The following HS3ST4 variants were observed in gnomAD, a reference collection of about 807,000 sequenced individuals.
HS3ST4 encodes the protein heparan sulfate-glucosamine 3-sulfotransferase 4.
Under a neutral mutation model 29.2 loss-of-function variants are expected in HS3ST4, and 17 were observed. That is an observed-to-expected ratio of 0.58 (90% CI 0.40 to 0.87). HS3ST4 has a LOEUF of 0.87. Among genes scored for constraint, HS3ST4 ranks in the 40% least tolerant of loss-of-function variants. The pLI is 0.00. For missense variants in HS3ST4, 627 were observed against 634.5 expected (o/e 0.99, Z 0.13); for synonymous variants, 314 against 285.7 (o/e 1.10, Z -1.00).
chr16:25,701,783 T>G (rs1455371917), intron 1 of HS3ST4, among the ~76,000 whole-genome samples: 1 of 152,138 alleles, frequency 6.6e-6, no homozygotes, highest in Non-Finnish European at 1.5e-5. Flanking sequence ...AGTGGAGAAA[T>G]GGACATGTAA....
chr16:26,091,960 T>C (rs572284019), intron 1 of HS3ST4, among the ~76,000 whole-genome samples: 1 of 152,312 alleles, frequency 6.6e-6, no homozygotes, highest in East Asian at 1.9e-4. Context: ...GGGGCTTGAC[T>C]TCTGCAGGAG....
At chr16:26,000,883 G>A (rs1181339560) in intron 1 of HS3ST4, among the ~76,000 whole-genome samples, 1 of 152,070 alleles carries the variant, frequency 6.6e-6, no homozygotes, top group Non-Finnish European at 1.5e-5. Context: ...GAAAACATCA[G>A]ATGAACCCCA....
chr16:25,920,216 A>T (rs933712456), intron 1 of HS3ST4, among the ~76,000 whole-genome samples: 1 of 152,008 alleles, frequency 6.6e-6, no homozygotes. Flanking sequence ...CTCTCTTTCA[A>T]CCCTTGCCTA....
At chr16:25,998,237 C>T (rs1053626624) in intron 1 of HS3ST4, among the ~76,000 whole-genome samples, 1 of 152,076 alleles carries the variant, frequency 6.6e-6, no homozygotes, top group African/African-American at 2.4e-5. Context: ...GCTGAGGTTG[C>T]ACCACTGCAC....
chr16:26,098,301 AC>A (rs1449474237), intron 1 of HS3ST4, among the ~76,000 whole-genome samples: 1 of 152,222 alleles, frequency 6.6e-6, no homozygotes, highest in African/African-American at 2.4e-5. Flanking sequence ...TTATTTTGCC[AC>A]TATTCACAAT....
intron 1 of HS3ST4, among the ~76,000 whole-genome samples, chr16:25,857,410 G>A (rs1462973780): frequency 6.6e-6 from 1 of 152,116 alleles, no homozygotes; most frequent in African/African-American, 2.4e-5. Context: ...GTTGTCTAAG[G>A]TCTTTACATG....
chr16:25,816,707 C>T (rs923456921), intron 1 of HS3ST4, among the ~76,000 whole-genome samples: 1 of 152,090 alleles, frequency 6.6e-6, no homozygotes, highest in Admixed American at 6.6e-5. Flanking sequence ...TTATCTCTTA[C>T]AGTTACAGGC....
At chr16:25,844,345 A>T (rs1967443924) in intron 1 of HS3ST4, among the ~76,000 whole-genome samples, 1 of 152,178 alleles carries the variant, frequency 6.6e-6, no homozygotes, top group African/African-American at 2.4e-5. Context: ...TCATCCAGGG[A>T]TTCTTTACTG....
At chr16:26,051,478 A>G (rs1476704940) in intron 1 of HS3ST4, among the ~76,000 whole-genome samples, 1 of 151,982 alleles carries the variant, frequency 6.6e-6, no homozygotes, top group Admixed American at 6.6e-5. Context: ...TTCAGAACAG[A>G]CCCTGAGTGG....
At chr16:26,002,938 T>G (rs1311935791) in intron 1 of HS3ST4, among the ~76,000 whole-genome samples, 1 of 143,586 alleles carries the variant, frequency 7.0e-6, no homozygotes, top group African/African-American at 2.7e-5. Flanking sequence ...GATGCATTCT[T>G]ACATTTTTTT....
intron 1 of HS3ST4, among the ~76,000 whole-genome samples, chr16:25,883,817 A>G (rs977198495): frequency 1.1e-4 from 17 of 152,322 alleles, no homozygotes; most frequent in African/African-American, 2.6e-4. Flanking sequence ...TAGTGATGCT[A>G]TTAAGAATCC....
chr16:25,922,113 T>C (rs1968360322), intron 1 of HS3ST4, among the ~76,000 whole-genome samples: 1 of 152,208 alleles, frequency 6.6e-6, no homozygotes. Context: ...GGCTGACTTA[T>C]GGCTTCTTCC....
At chr16:26,031,663 C>T (rs189888987) in intron 1 of HS3ST4, among the ~76,000 whole-genome samples, 145 of 151,068 alleles carry the variant, frequency 9.6e-4, no homozygotes, top group African/African-American at 3.2e-3. Flanking sequence ...GCCTCTGGCC[C>T]GACGCACCGG....
At chr16:26,068,180 C>T (rs1898562553) in intron 1 of HS3ST4, among the ~76,000 whole-genome samples, 1 of 152,152 alleles carries the variant, frequency 6.6e-6, no homozygotes, top group Non-Finnish European at 1.5e-5. Flanking sequence ...TTTCCTCCTC[C>T]TCTTAATTCA....
At chr16:26,018,685 C>T (rs1488251386) in intron 1 of HS3ST4, among the ~76,000 whole-genome samples, 4 of 152,116 alleles carry the variant, frequency 2.6e-5, no homozygotes, top group Admixed American at 2.0e-4. Context: ...AACATTACAC[C>T]AAGGATCACA....
At position 25,806,855 on chromosome 16, in the gene HS3ST4, G is replaced by A. The variant is rs11639572; in HGVS notation, c.734+113704G>A. On this transcript the variant is annotated intron_variant, in intron 1 of 1. Coordinates refer to ENST00000331351, the MANE Select transcript of HS3ST4 (RefSeq NM_006040.3). ...TGCATGCATATGTGTGCATATGGGTGCGTGTGTGTGCATGAATATTTAGTT... is the reference window on the plus strand; with the variant it reads ...TGCATGCATATGTGTGCATATGGGTACGTGTGTGTGCATGAATATTTAGTT... Among the ~76,000 whole-genome samples the A allele has an allele frequency of 8.8e-3, 1,337 of 152,258 alleles. 7 individuals carry two copies. Among genetic ancestry groups the A allele is most frequent in the Non-Finnish European group, 0.013 (915 of 68,012 alleles).
chr16:25,838,014 T>C (rs1211141705), intron 1 of HS3ST4, among the ~76,000 whole-genome samples: 2 of 152,160 alleles, frequency 1.3e-5, no homozygotes, highest in Admixed American at 1.3e-4. Context: ...ATAACCACTT[T>C]AATTGAAAGG....
At chr16:25,856,795 C>T (rs770403346) in intron 1 of HS3ST4, among the ~76,000 whole-genome samples, 53 of 152,312 alleles carry the variant, frequency 3.5e-4, no homozygotes, top group Admixed American at 2.4e-3. Flanking sequence ...TAATGCTACT[C>T]TTCCATTTGG....
intron 1 of HS3ST4, among the ~76,000 whole-genome samples, chr16:25,851,521 T>C (rs1424768512): frequency 6.6e-6 from 1 of 151,994 alleles, no homozygotes; most frequent in African/African-American, 2.4e-5. Flanking sequence ...CTTTTTTGGT[T>C]ACTCGAGACC....
Sources: gnomAD v4.1 joint callset for allele counts (sites outside exome capture counted in the v4.1 genomes callset) on GRCh38, gnomAD v4.1.1 for gene constraint, MANE v1.5 for transcripts, NCBI Gene and HGNC (gene_info 2026-07-23, HGNC 2026-07-21) for gene names.